Variants in CRTC3 observed in about 807,000 individuals in gnomAD.
The protein encoded by CRTC3 is CREB regulated transcription coactivator 3.
Under a neutral mutation model 74.5 loss-of-function variants are expected in CRTC3, and 26 were observed. The observed-to-expected ratio is 0.35, with a 90% CI of 0.26 to 0.48. The LOEUF (loss-of-function observed/expected upper bound fraction) is 0.48, where lower values mean the gene tolerates loss of function less well. Among genes scored for constraint, CRTC3 ranks in the 20% least tolerant of loss-of-function variants. CRTC3 has a pLI of 0.99. For synonymous variants in CRTC3, 377 were observed against 325.8 expected (o/e 1.16, Z -1.69); for missense variants, 760 against 787.3 (o/e 0.97, Z 0.41).
At position 90,625,993 on chromosome 15, in the gene CRTC3, G is replaced by A; in HGVS notation, c.967G>A (p.Gly323Ser). Reference protein sequence around the residue: ...MTHLGIRSSSGLQSSRSNPSI... With the variant: ...MTHLGIRSSSSLQSSRSNPSI... ...CCACCTGGGTATAAGAAGCTCCTCTGGTGAGTATCTCCTGCTTAGCAGTGA... is the reference window on the plus strand; with the variant it reads ...CCACCTGGGTATAAGAAGCTCCTCTAGTGAGTATCTCCTGCTTAGCAGTGA... The change falls in exon 10 of 15, where the codon GGT (glycine) becomes AGT (serine). Residue 323 changes from glycine (G) to serine (S), a missense_variant and splice_region_variant. Gly to Ser is a moderately conservative substitution (Grantham distance 56). Coordinates refer to ENST00000268184, the MANE Select transcript of CRTC3 (RefSeq NM_022769.5). 6.2e-7 allele frequency: 1 copy of A among 1,613,014 alleles called. No individual in the cohort carries two copies. Among genetic ancestry groups the A allele is most frequent in the East Asian group, 2.2e-5 (1 of 44,882 alleles).
chr15:90,638,492 C>T lies in CRTC3; in HGVS notation c.1313C>T (p.Ala438Val), dbSNP rs749395205. 1.2e-6 allele frequency: 2 copies of T among 1,614,108 alleles called. No homozygotes were observed. Among genetic ancestry groups the T allele is most frequent in the Non-Finnish European group, 1.7e-6 (2 of 1,180,030 alleles). Residue 438 changes from alanine to valine, a missense_variant, in exon 12 of 15, where the codon GCT becomes GTT. Around this residue, in one of 2 missense-constraint regions of CRTC3, gnomAD observed 652 missense variants for 635.2 expected, o/e 1.03. Coordinates refer to ENST00000268184, the MANE Select transcript of CRTC3 (RefSeq NM_022769.5). ...CAACTTTCCTTTCTGCCCACAGAAG[C>T]TCAAGCCCAGGTGTCGCCGCCACCC... ...RSQLSFLPTEAQAQVSPPPPY... is the reference protein window; with the variant it reads ...RSQLSFLPTEVQAQVSPPPPY...
At chr15:90,574,523 G>C (rs1007957580) in intron 2 of CRTC3, among the ~76,000 whole-genome samples, 1 of 152,072 alleles carries the variant, frequency 6.6e-6, no homozygotes, top group East Asian at 1.9e-4. Context: ...ACAACATTAT[G>C]CACATACAGT....
intron 5 of CRTC3, among the ~76,000 whole-genome samples, chr15:90,605,256 TAAA>T (rs1313661565): frequency 6.6e-6 from 1 of 151,942 alleles, no homozygotes; most frequent in Non-Finnish European, 1.5e-5. Flanking sequence ...TGTCTCAAAA[TAAA>T]AAAGAAACCC....
At chr15:90,597,810 C>A (rs1967965036) in intron 3 of CRTC3, 1 of 152,142 alleles carries the variant, frequency 6.6e-6, no homozygotes, top group South Asian at 2.1e-4. Context: ...AACCTGTTTG[C>A]CTCTCATTTG....
intron 2 of CRTC3, among the ~76,000 whole-genome samples, chr15:90,542,456 GGCA>G (rs1966818610): frequency 6.6e-6 from 1 of 152,192 alleles, no homozygotes; most frequent in Non-Finnish European, 1.5e-5. Context: ...TGGGATTACA[GGCA>G]TGAACTACTG....
At chr15:90,558,492 C>A (rs1286583832) in intron 2 of CRTC3, among the ~76,000 whole-genome samples, 1 of 152,158 alleles carries the variant, frequency 6.6e-6, no homozygotes, top group Non-Finnish European at 1.5e-5. Flanking sequence ...CTCCAACACC[C>A]TCCTCACTCA....
intron 1 of CRTC3, among the ~76,000 whole-genome samples, chr15:90,537,095 G>C (rs1294610544): frequency 6.6e-6 from 1 of 152,198 alleles, no homozygotes; most frequent in African/African-American, 2.4e-5. Flanking sequence ...TGGTTCACAT[G>C]TTCATCATCT....
rs1457979836 is a variant in CRTC3, at chr15:90,539,892, A to C, written c.133-147A>C. The C allele has an allele frequency of 6.2e-6, 4 of 647,046 alleles. No individual in the cohort carries two copies. In the African/African-American group the frequency reaches 7.4e-5, roughly 12 times the overall value. 40.1% of individuals were successfully genotyped at this position (647,046 alleles called of 1,614,324 possible). ...TAATCAAAACCCAGAAAGCACCGGAAACCTTGAGGGTGTGATCACTTACGT... is the reference window on the plus strand; with the variant it reads ...TAATCAAAACCCAGAAAGCACCGGACACCTTGAGGGTGTGATCACTTACGT... On this transcript the variant is annotated intron_variant, in intron 1 of 14. Coordinates refer to ENST00000268184, the MANE Select transcript of CRTC3 (RefSeq NM_022769.5).
At chr15:90,619,349 C>T (rs1403927263) in intron 8 of CRTC3, among the ~76,000 whole-genome samples, 5 of 152,208 alleles carry the variant, frequency 3.3e-5, no homozygotes, top group Middle Eastern at 3.4e-3. Context: ...CCCAGCTACT[C>T]GGGAGGCTGA....
chr15:90,614,935 G>A (rs147020304), intron 7 of CRTC3, among the ~76,000 whole-genome samples: 8 of 152,128 alleles, frequency 5.3e-5, no homozygotes, highest in Middle Eastern at 3.4e-3. Context: ...GTGGTGGCAC[G>A]TGCCTGTGGT....
Position 90,644,694 on chromosome 15 carries a change from G to A in CRTC3, c.*2554G>A, listed in dbSNP as rs992382200. Reference sequence around the variant, plus strand: ...TCGTACAACCCACTCTGCCTAGAAGGTGTGGAGGACTCACCACGGGCAGGG... The same window carrying A: ...TCGTACAACCCACTCTGCCTAGAAGATGTGGAGGACTCACCACGGGCAGGG... On this transcript the variant is annotated 3_prime_UTR_variant, in exon 15 of 15. Transcript: ENST00000268184. 6 of 232,522 alleles carry A rather than the reference G, an allele frequency of 2.6e-5. No individual in the cohort carries two copies. The Admixed American group carries it at 3.4e-4, about 13-fold the overall frequency. The allele number at this position is 232,522 out of a possible 1,614,324, so 14.4% of individuals were successfully genotyped here.
At chr15:90,577,054 G>GTTTT (rs1555448728) in intron 2 of CRTC3, among the ~76,000 whole-genome samples, 2 of 151,234 alleles carry the variant, frequency 1.3e-5, no homozygotes, top group African/African-American at 4.9e-5. Context: ...GTTTTGTTTT[G>GTTTT]TTTTTTTGAG....
rs1397853909 is a variant in CRTC3, at chr15:90,629,675, TATATGTGAAATCAGAGCAG to T, written c.1266+145_1266+163del. On this transcript the variant is annotated intron_variant, in intron 11 of 14. Transcript: ENST00000268184. Reference sequence around the variant, plus strand: ...GTCTCAAGTGCAGTCTGTTCGCTCTTATATGTGAAATCAGAGCAGAAGTGTCAATAATGCAGAATGAATT... The same window carrying T: ...GTCTCAAGTGCAGTCTGTTCGCTCTTAAGTGTCAATAATGCAGAATGAATT... 8 of 709,538 alleles carry T rather than the reference TATATGTGAAATCAGAGCAG, an allele frequency of 1.1e-5. No individual in the cohort carries two copies. The Admixed American group carries it at 2.2e-4, about 20-fold the overall frequency. The allele number at this position is 709,538 out of a possible 1,614,324, so 44.0% of individuals were successfully genotyped here.
intron 2 of CRTC3, among the ~76,000 whole-genome samples, chr15:90,561,005 G>A (rs1404102128): frequency 6.6e-6 from 1 of 152,178 alleles, no homozygotes. Flanking sequence ...ATGGTCACAA[G>A]TGCAGTCCCT....
At chr15:90,538,612 A>G (rs1196709706) in intron 1 of CRTC3, among the ~76,000 whole-genome samples, 1 of 151,630 alleles carries the variant, frequency 6.6e-6, no homozygotes, top group Non-Finnish European at 1.5e-5. Flanking sequence ...ATGATTGTAT[A>G]TAAGTTGGTA....
chr15:90,590,862 C>T (rs1967783431), intron 2 of CRTC3, among the ~76,000 whole-genome samples: 1 of 152,164 alleles, frequency 6.6e-6, no homozygotes, highest in African/African-American at 2.4e-5. Flanking sequence ...AGATTAACAC[C>T]CCACAACTGA....
At chr15:90,611,515 GT>G (rs962046599) in intron 6 of CRTC3, among the ~76,000 whole-genome samples, 3 of 152,120 alleles carry the variant, frequency 2.0e-5, no homozygotes, top group Middle Eastern at 3.2e-3. Flanking sequence ...TAATTTAGCA[GT>G]AAAAATCCAG....
chr15:90,607,625 A>G (rs1262225889), intron 6 of CRTC3, 147 bp downstream of exon 6: 2 of 575,898 alleles, frequency 3.5e-6, no homozygotes, highest in Non-Finnish European at 6.2e-6. Flanking sequence ...GTGTGTGTCC[A>G]TGATGCAGTC....
chr15:90,587,144 C>T (rs1010031822), intron 2 of CRTC3, among the ~76,000 whole-genome samples: 8 of 152,268 alleles, frequency 5.3e-5, no homozygotes, highest in Middle Eastern at 3.4e-3. Flanking sequence ...CCCTAGGTGA[C>T]GAAATCTAGT....
Sources: allele counts gnomAD v4.1 joint callset (sites outside exome capture counted in the v4.1 genomes callset), GRCh38; gene constraint gnomAD v4.1.1; regional missense constraint gnomAD v4.1.1; transcripts MANE v1.5; gene names NCBI Gene and HGNC (gene_info 2026-07-23, HGNC 2026-07-21).